DTNA: variants seen among roughly 807,000 people sequenced by gnomAD.
DTNA encodes the protein dystrophin-related protein 3.
In DTNA, 43 loss-of-function variants were observed where a neutral mutation model predicts 100.7. The ratio of observed to expected loss-of-function variants is 0.43; its 90% CI spans 0.33 to 0.55. The LOEUF is 0.55. DTNA is among the 20% of genes least tolerant of loss of function. The probability of loss-of-function intolerance (pLI) is 0.04; values close to 1 mark genes in which losing one functional copy is unlikely to be tolerated. For missense variants in DTNA, 798 were observed against 953.9 expected (o/e 0.84, Z 2.15); for synonymous variants, 349 against 347.9 (o/e 1.00, Z -0.04).
At chr18:34,715,219 G>GA (rs34573587) in intron 1 of DTNA, among the ~76,000 whole-genome samples, 16 of 150,256 alleles carry the variant, frequency 1.1e-4, no homozygotes, top group Admixed American at 2.7e-4. Context: ...ATAAAAAATA[G>GA]AAAAAAAAAT....
chr18:34,833,127 A>G, intron 11 of DTNA, among the ~76,000 whole-genome samples: 1 of 152,158 alleles, frequency 6.6e-6, no homozygotes, highest in East Asian at 1.9e-4. Context: ...GACTGCAGCC[A>G]GGCCTTTAAT....
intron 1 of DTNA, among the ~76,000 whole-genome samples, chr18:34,557,338 T>G: frequency 6.7e-6 from 1 of 148,802 alleles, no homozygotes; most frequent in Non-Finnish European, 1.5e-5. Flanking sequence ...TCAGAGTAAT[T>G]TGATCGTCTG....
chr18:34,560,766 A>G (rs950766680), intron 1 of DTNA, among the ~76,000 whole-genome samples: 2 of 151,928 alleles, frequency 1.3e-5, no homozygotes, highest in African/African-American at 4.8e-5. Context: ...ACGCACACAC[A>G]CGCAATTAGC....
At chr18:34,513,552 G>A (rs1001234163) in intron 1 of DTNA, 9 of 152,106 alleles carry the variant, frequency 5.9e-5, no homozygotes, top group African/African-American at 2.2e-4. Context: ...CATCTCAGCT[G>A]TCTAGGTGAC....
chr18:34,817,355 G>A (rs1213265665), intron 7 of DTNA, among the ~76,000 whole-genome samples: 3 of 152,112 alleles, frequency 2.0e-5, no homozygotes, highest in Non-Finnish European at 4.4e-5. Context: ...AATTGTTATT[G>A]TTGTTTTAGT....
At chr18:34,721,813 T>A (rs936232933) in intron 1 of DTNA, among the ~76,000 whole-genome samples, 1 of 152,166 alleles carries the variant, frequency 6.6e-6, no homozygotes, top group Non-Finnish European at 1.5e-5. Context: ...TTAAAAACCT[T>A]CCCTTACCTG....
intron 1 of DTNA, among the ~76,000 whole-genome samples, chr18:34,502,748 A>C (rs1601177795): frequency 6.6e-6 from 1 of 152,040 alleles, no homozygotes; most frequent in African/African-American, 2.4e-5. Flanking sequence ...AATTCTTTTA[A>C]TTTGTTGAGG....
At chr18:34,787,615 G>A (rs72955191) in intron 3 of DTNA, among the ~76,000 whole-genome samples, 3,760 of 151,960 alleles carry the variant, frequency 0.025, 64 homozygotes, top group Non-Finnish European at 0.036. Flanking sequence ...CTTTTCCTAC[G>A]GATGCTTGGA....
At chr18:34,736,457 G>A (rs1362688532) in intron 1 of DTNA, among the ~76,000 whole-genome samples, 12 of 152,062 alleles carry the variant, frequency 7.9e-5, no homozygotes, top group Admixed American at 7.2e-4. Flanking sequence ...TTTTCATACA[G>A]CTATTTTGTC....
At chr18:34,611,765 CT>C (rs778598199) in intron 1 of DTNA, among the ~76,000 whole-genome samples, 41 of 152,258 alleles carry the variant, frequency 2.7e-4, no homozygotes, top group Non-Finnish European at 5.3e-4. Flanking sequence ...GCTACTTCAC[CT>C]CACTGAAAAA....
At chr18:34,826,455 T>C (rs1406492867) in intron 9 of DTNA, among the ~76,000 whole-genome samples, 3 of 152,126 alleles carry the variant, frequency 2.0e-5, no homozygotes, top group African/African-American at 7.2e-5. Context: ...TCAGGTCCAT[T>C]CCATTCAATA....
chr18:34,724,380 A>G (rs2086096575), intron 1 of DTNA, among the ~76,000 whole-genome samples: 1 of 152,246 alleles, frequency 6.6e-6, no homozygotes. Flanking sequence ...AAGCATTATC[A>G]TAAACTGTTG....
intron 16 of DTNA, among the ~76,000 whole-genome samples, chr18:34,861,485 C>CAAAAA (rs11329850): frequency 8.9e-4 from 69 of 77,964 alleles, no homozygotes; most frequent in East Asian, 1.7e-3. Flanking sequence ...GACTCCGTCT[C>CAAAAA]AAAAAAAAAA....
rs1395657414 is a variant in DTNA at position 34,555,374 on chromosome 18, CTTCAG to C, written c.-2+61864_-2+61868del. Among the ~76,000 whole-genome samples the C allele has an allele frequency of 2.0e-5, 3 of 150,474 alleles. No homozygotes were observed. In the East Asian group the frequency reaches 5.8e-4, roughly 29 times the overall value. Reference sequence around the variant, plus strand: ...GAAAGGTTTTTTGTGTCTCTATTTCCTTCAGTTCTGCTCTGATTTTAGTTATTTCT... The same window carrying C: ...GAAAGGTTTTTTGTGTCTCTATTTCCTTCTGCTCTGATTTTAGTTATTTCT... On this transcript the variant is annotated intron_variant, in intron 1 of 19. Transcript: ENST00000283365.
chr18:34,785,869 C>G (rs542610373), intron 3 of DTNA, among the ~76,000 whole-genome samples: 1 of 152,196 alleles, frequency 6.6e-6, no homozygotes, highest in South Asian at 2.1e-4. Context: ...CAGAACAGCA[C>G]TGCAACACAA....
rs561969091 is a variant in DTNA, at chr18:34,664,942, C to G, written c.-1-91034C>G. Reference sequence around the variant, plus strand: ...AAGTAGCATGGCAATTTATTGAAACCAAATTAAATGATTTATCTTCTATCT... The same window carrying G: ...AAGTAGCATGGCAATTTATTGAAACGAAATTAAATGATTTATCTTCTATCT... On this transcript the variant is annotated intron_variant, in intron 1 of 19. Coordinates refer to the DTNA transcript ENST00000283365. 1.3e-4 allele frequency among the ~76,000 whole-genome samples: 20 copies of G among 151,496 alleles called. No individual in the cohort carries two copies. The East Asian group carries it at 3.7e-3, about 28-fold the overall frequency.
chr18:34,751,720 A>T (rs1169095312), intron 1 of DTNA, among the ~76,000 whole-genome samples: 1 of 152,180 alleles, frequency 6.6e-6, no homozygotes, highest in Non-Finnish European at 1.5e-5. Context: ...CCTATTTCAG[A>T]TCATTCCAGA....
chr18:34,546,190 A>G (rs1336469793), intron 1 of DTNA, among the ~76,000 whole-genome samples: 1 of 152,088 alleles, frequency 6.6e-6, no homozygotes, highest in Non-Finnish European at 1.5e-5. Context: ...GATAAAAAAC[A>G]TGGGTCTCCC....
chr18:34,716,160 C>T (rs776946937), intron 1 of DTNA, among the ~76,000 whole-genome samples: 30 of 152,080 alleles, frequency 2.0e-4, no homozygotes, highest in Non-Finnish European at 3.1e-4. Context: ...AATAGTCTAA[C>T]GTATTTACAT....
Sources: gnomAD v4.1 joint callset for allele counts (sites outside exome capture counted in the v4.1 genomes callset) on GRCh38, gnomAD v4.1.1 for gene constraint, MANE v1.5 for transcripts, NCBI Gene and HGNC (gene_info 2026-07-23, HGNC 2026-07-21) for gene names.